The following PGC variants were observed in gnomAD, a reference collection of about 807,000 sequenced individuals.
The protein encoded by PGC is progastricsin.
A neutral mutation model predicts 45.9 loss-of-function variants in PGC; 31 were observed. That is an observed-to-expected ratio of 0.67 (90% CI 0.51 to 0.91). The LOEUF is 0.91. PGC is among the 40% of genes least tolerant of loss of function. The pLI is 0.00. For missense variants in PGC, 477 were observed against 493.2 expected, an observed-to-expected ratio of 0.97 and a Z score of 0.31; for synonymous variants, 192 against 201.8, an observed-to-expected ratio of 0.95 and a Z score of 0.41.
At chr6:41,738,428 G>C (rs1055802860) in intron 7 of PGC, among the ~76,000 whole-genome samples, 10 of 151,228 alleles carry the variant, frequency 6.6e-5, no homozygotes, top group Admixed American at 5.9e-4. Flanking sequence ...AGAAGTTCGA[G>C]ACCAGCCTGA....
chr6:41,742,373 G>T lies in PGC; in HGVS notation c.564C>A (p.Ser188=). 1.9e-6 allele frequency: 3 copies of T among 1,614,116 alleles called. No individual in the cohort carries two copies. The highest frequency in any genetic ancestry group is 2.5e-6 in the Non-Finnish European group (3 of 1,179,990). ...GIMGLAYPAL[S]VDEATTAMQG... Reference sequence around the variant, plus strand: ...GCATAGCTGTGGTGGCCTCATCCACGGACAGAGCAGGGTAGGCCAGGCCCA... The same window carrying T: ...GCATAGCTGTGGTGGCCTCATCCACTGACAGAGCAGGGTAGGCCAGGCCCA... The change falls in exon 5 of 9, where the codon TCC becomes TCA. Residue 188 remains serine, a synonymous_variant. Coordinates refer to ENST00000373025, the MANE Select transcript of PGC (RefSeq NM_002630.4).
At chr6:41,738,181 T>TATATATGCATATATATACATATATATAC (rs1554138620) in intron 7 of PGC, among the ~76,000 whole-genome samples, 3 of 41,354 alleles carry the variant, frequency 7.3e-5, no homozygotes, top group Non-Finnish European at 1.0e-4. Flanking sequence ...TATATATACA[T>TATATATGCATATATATACATATATATAC]ATATATATGC....
intron 5 of PGC, 42 bp downstream of exon 5, chr6:41,742,248 G>T: frequency 6.3e-7 from 1 of 1,575,282 alleles, no homozygotes; most frequent in Non-Finnish European, 8.7e-7. Flanking sequence ...GGCGGCCGGG[G>T]GAGCATCCCG....
At position 41,742,521 on chromosome 6, in the gene PGC, A is replaced by G. The variant is rs769342140; in HGVS notation, c.448-32T>C. ...GAGACACAAACGAGGGGAGGTGACC[A>G]GTCTGACTCCACTCACCTCCTCCAG... On this transcript the variant is annotated intron_variant, in intron 4 of 8. Coordinates refer to ENST00000373025, the MANE Select transcript of PGC (RefSeq NM_002630.4). The G allele has an allele frequency of 3.8e-6, 6 of 1,561,488 alleles. No individual in the cohort carries two copies. In the Admixed American group the frequency reaches 5.0e-5, roughly 13 times the overall value.
At position 41,743,260 on chromosome 6, in the gene PGC, T is replaced by G; in HGVS notation, c.447+11A>C. The G allele has an allele frequency of 6.6e-7, 1 of 1,521,400 alleles. No homozygotes were observed. The highest frequency in any genetic ancestry group is 9.1e-7 in the Non-Finnish European group (1 of 1,095,546). The allele number at this position is 1,521,400 out of a possible 1,614,324, so 94.2% of individuals were successfully genotyped here. A position where few individuals can be genotyped will look rare whatever the true frequency, so the allele number is the denominator to read the frequency against. On this transcript the variant is annotated intron_variant, in intron 4 of 8. Coordinates refer to ENST00000373025, the MANE Select transcript of PGC (RefSeq NM_002630.4). The stretch of plus-strand genomic sequence containing the variant: ...TCACAGCCCCAGCCTCCACTCCCCA[T>G]GCCCACTCACAGTCAGGGTGTCATA...
chr6:41,741,730 C>T lies in PGC; in HGVS notation c.647+560G>A, dbSNP rs138391426. 1,939 of 1,123,772 alleles carry T rather than the reference C, an allele frequency of 1.7e-3. 26 individuals are homozygous for T. The African/African-American group carries it at 0.025, about 15-fold the overall frequency. 69.6% of individuals were successfully genotyped at this position (1,123,772 alleles called of 1,614,324 possible). On this transcript the variant is annotated intron_variant, in intron 5 of 8. Coordinates refer to ENST00000373025, the MANE Select transcript of PGC (RefSeq NM_002630.4). ...AGAAAAGCAGGCCCCAGGCCGCTCA[C>T]CCCCACCCACTGCCTGTCTCACTAA...
chr6:41,739,405 G>C (rs35629562), intron 7 of PGC, among the ~76,000 whole-genome samples: 6,968 of 152,064 alleles, frequency 0.046, 205 homozygotes, highest in Non-Finnish European at 0.063. Context: ...ATAGAGGCTT[G>C]GAGGTCAAGA....
chr6:41,743,374 A>C lies in PGC; in HGVS notation c.344T>G (p.Phe115Cys). The change falls in exon 4 of 9, where the codon TTC (phenylalanine) becomes TGC (cysteine). Residue 115 changes from phenylalanine (F) to cysteine (C), a missense_variant. By Grantham distance (205) the Phe-to-Cys change is radical. Coordinates refer to ENST00000373025, the MANE Select transcript of PGC (RefSeq NM_002630.4). ...QSQACTSHSR[F>C]NPSESSTYST... ...GTAGGTGGACGACTCGCTGGGGTTG[A>C]AGCGGGAGTGACTGGCTGCAGGGGA... 1 of 1,612,884 alleles carries C rather than the reference A, an allele frequency of 6.2e-7. No homozygotes were observed. Among genetic ancestry groups the C allele is most frequent in the Non-Finnish European group, 8.5e-7 (1 of 1,178,870 alleles).
In PGC at chr6:41,743,293, A is replaced by G; in HGVS notation, c.425T>C (p.Phe142Ser). 1 of 1,612,516 alleles carries G rather than the reference A, an allele frequency of 6.2e-7. No homozygotes were observed. Among genetic ancestry groups the G allele is most frequent in the Non-Finnish European group, 8.5e-7 (1 of 1,178,528 alleles). ...CACAGTCAGGGTGTCATAGCCAAAG[A>G]AGCCGGTGAGGCTGCCACTGCCATA... ...LQYGSGSLTG[F>S]FGYDTLTVQS... Residue 142 changes from phenylalanine to serine, a missense_variant, in exon 4 of 9, where the codon TTC becomes TCC. Phe to Ser is a radical substitution (Grantham distance 155). Coordinates refer to ENST00000373025, the MANE Select transcript of PGC (RefSeq NM_002630.4).
rs950879811 is a variant in PGC at position 41,744,981 on chromosome 6, GTCTGTCTGTC to G, written c.60-183_60-174del. 1.5e-4 allele frequency among the ~76,000 whole-genome samples: 9 copies of G among 58,942 alleles called. No individual in the cohort carries two copies. Among genetic ancestry groups the G allele is most frequent in the Non-Finnish European group, 1.9e-4 (4 of 21,464 alleles). 38.7% of individuals were successfully genotyped at this position (58,942 alleles called of 152,430 possible). ...TCTCAGCCTTTTGCTCTCTGTCTCT[GTCTGTCTGTC>G]TCTCTGTGTGTGTGTGTGTGTGTGC... On this transcript the variant is annotated intron_variant, in intron 1 of 8. Coordinates refer to ENST00000373025, the MANE Select transcript of PGC (RefSeq NM_002630.4). This position sits in a 1 kb window ranked among gnomAD's most constrained non-coding sequence, Gnocchi z 4.4.
intron 7 of PGC, among the ~76,000 whole-genome samples, chr6:41,738,393 C>T (rs913757703): frequency 1.3e-5 from 2 of 151,152 alleles, no homozygotes; most frequent in African/African-American, 2.4e-5. Context: ...TTTGGGAGGC[C>T]GAGGTAGGCA....
At chr6:41,737,641 A>T in intron 8 of PGC, 89 bp downstream of exon 8, 1 of 762,066 alleles carries the variant, frequency 1.3e-6, no homozygotes, top group Admixed American at 2.0e-5. Context: ...GGAAAATGGC[A>T]CAAGGCAGGA....
In PGC at chr6:41,738,266, A is replaced by ATG. The variant is rs1223190895; in HGVS notation, c.916-439_916-438insCA. Among the ~76,000 whole-genome samples the ATG allele has an allele frequency of 4.9e-3, 33 of 6,770 alleles. 2 individuals carry two copies. In the South Asian group the frequency reaches 0.14, roughly 28 times the overall value. The allele number at this position is 6,770 out of a possible 152,430, so 4.4% of individuals were successfully genotyped here. On this transcript the variant is annotated intron_variant, in intron 7 of 8. Coordinates refer to ENST00000373025, the MANE Select transcript of PGC (RefSeq NM_002630.4). ...TATATATATGCATATATATATATGC[A>ATG]CACACACACACACACACACATACAC...
chr6:41,737,266 T>C (rs192027257), intron 8 of PGC, among the ~76,000 whole-genome samples: 180 of 152,350 alleles, frequency 1.2e-3, no homozygotes, highest in African/African-American at 4.2e-3. Context: ...ACCTCCCTCC[T>C]GCTCCCAATT....
chr6:41,741,035 A>C, intron 5 of PGC: 2 of 1,536,874 alleles, frequency 1.3e-6, no homozygotes, highest in Non-Finnish European at 1.7e-6. Context: ...CCCCCAGCCC[A>C]CACTCTGCTC....
At position 41,737,901 on chromosome 6, in the gene PGC, C is replaced by T. The variant is rs3804280; in HGVS notation, c.916-73G>A. On this transcript the variant is annotated intron_variant, in intron 7 of 8. Coordinates refer to ENST00000373025, the MANE Select transcript of PGC (RefSeq NM_002630.4). ...ACCCACCAGCCCCATCATCTCAGCC[C>T]CTGGATCCCAGGCCTGAGCTCCGGG... 1.4e-3 allele frequency: 1,270 copies of T among 902,264 alleles called. 19 individuals carry two copies. The East Asian group carries it at 0.028, about 20-fold the overall frequency. 55.9% of individuals were successfully genotyped at this position (902,264 alleles called of 1,614,324 possible).
In PGC at chr6:41,736,909, G is replaced by A; in HGVS notation, c.1110C>T (p.Ser370=). The A allele has an allele frequency of 1.9e-6, 3 of 1,614,158 alleles. No individual in the cohort carries two copies. Among genetic ancestry groups the A allele is most frequent in the South Asian group, 2.2e-5 (2 of 91,088 alleles). Residue 370 remains serine (S), a synonymous_variant, in exon 9 of 9, where the codon TCC becomes TCT. Transcript: ENST00000373025. The stretch of plus-strand genomic sequence containing the variant: ...TGCCCAAGTCGTAGACGGAATAGTA[G>A]GACCTGAGGAAGACATCCCCGAGGA... ...LWILGDVFLR[S]YYSVYDLGNN... is the part of the protein sequence containing the mutation.
intron 5 of PGC, chr6:41,741,811 A>T (rs1771830512): frequency 6.5e-7 from 1 of 1,536,524 alleles, no homozygotes; most frequent in African/African-American, 1.4e-5. Flanking sequence ...AGGGGTCAGC[A>T]GTGGACCTAG....
intron 5 of PGC, chr6:41,741,092 C>T: frequency 1.3e-6 from 2 of 1,537,218 alleles, no homozygotes; most frequent in Non-Finnish European, 1.7e-6. Context: ...TCACCGGGAT[C>T]CCCACCCCGG....
Sources: gnomAD v4.1 joint callset for allele counts (sites outside exome capture counted in the v4.1 genomes callset) on GRCh38, gnomAD v4.1.1 for gene constraint, Gnocchi (gnomAD v3.1) non-coding constraint, MANE v1.5 for transcripts, NCBI Gene and HGNC (gene_info 2026-07-23, HGNC 2026-07-21) for gene names.